AP3B1: variants seen among roughly 807,000 people sequenced by gnomAD.
The protein encoded by AP3B1 is adaptor related protein complex 3 subunit beta 1, also known as AP-3 complex subunit beta-1.
A neutral mutation model predicts 132.5 loss-of-function variants in AP3B1; 61 were observed. The observed-to-expected ratio is 0.46, with a 90% CI of 0.37 to 0.57. The LOEUF is 0.57. Among genes scored for constraint, AP3B1 ranks in the 20% least tolerant of loss-of-function variants. The pLI is 0.00. For synonymous variants in AP3B1, 388 were observed against 438.3 expected (o/e 0.89, Z 1.43); for missense variants, 1,120 against 1,289.4 (o/e 0.87, Z 2.01).
At chr5:78,164,376 A>G (rs1743523397) in intron 12 of AP3B1, among the ~76,000 whole-genome samples, 1 of 152,096 alleles carries the variant, frequency 6.6e-6, no homozygotes, top group African/African-American at 2.4e-5. Flanking sequence ...AATATTTTGA[A>G]ACAGGTCTAG....
intron 22 of AP3B1, among the ~76,000 whole-genome samples, chr5:78,065,780 G>A (rs1050681902): frequency 6.6e-5 from 10 of 152,088 alleles, no homozygotes; most frequent in Admixed American, 3.3e-4. Flanking sequence ...TGGGATTCCC[G>A]CCCCCGCACA....
chr5:78,129,070 T>C, intron 16 of AP3B1, 51 bp downstream of exon 16: 1 of 1,490,476 alleles, frequency 6.7e-7, no homozygotes, highest in South Asian at 1.2e-5. Context: ...GGCAACATCT[T>C]GTCATAATTT....
At chr5:78,118,964 CCT>C (rs898719098) in intron 17 of AP3B1, among the ~76,000 whole-genome samples, 1 of 152,120 alleles carries the variant, frequency 6.6e-6, no homozygotes, top group African/African-American at 2.4e-5. Context: ...CGGGTACTCC[CCT>C]GAGACAAAAC....
intron 3 of AP3B1, among the ~76,000 whole-genome samples, chr5:78,229,159 C>T (rs1051146800): frequency 6.6e-6 from 1 of 152,128 alleles, no homozygotes; most frequent in African/African-American, 2.4e-5. Context: ...TGGTCTCAAA[C>T]TCCTGGGCTT....
chr5:78,246,693 T>C (rs539303891), intron 2 of AP3B1, among the ~76,000 whole-genome samples: 1 of 152,068 alleles, frequency 6.6e-6, no homozygotes, highest in Admixed American at 6.6e-5. Flanking sequence ...ATTTCTGATA[T>C]TGATAATTTG....
chr5:78,161,295 A>T (rs932338340), intron 13 of AP3B1, among the ~76,000 whole-genome samples: 1 of 152,014 alleles, frequency 6.6e-6, no homozygotes, highest in Non-Finnish European at 1.5e-5. Flanking sequence ...GTCAAAAAAT[A>T]AAATTGAGAA....
intron 1 of AP3B1, among the ~76,000 whole-genome samples, chr5:78,294,171 A>C (rs1348568971): frequency 1.3e-5 from 2 of 149,168 alleles, no homozygotes; most frequent in African/African-American, 5.2e-5. Flanking sequence ...AGTCCAATTC[A>C]ATCAGTGTCT....
At chr5:78,076,680 T>C (rs902398085) in intron 22 of AP3B1, among the ~76,000 whole-genome samples, 6 of 152,206 alleles carry the variant, frequency 3.9e-5, no homozygotes, top group Admixed American at 3.9e-4. Flanking sequence ...GGCTGGAGAC[T>C]GAGTTCAACT....
In AP3B1 at chr5:78,114,399, A is replaced by G. The variant is rs955361853; in HGVS notation, c.2078-476T>C. On this transcript the variant is annotated intron_variant, in intron 18 of 26. Coordinates refer to ENST00000255194, the MANE Select transcript of AP3B1 (RefSeq NM_003664.5). ...AAAATGAGCCATTCAAATCACTTGG[A>G]AAGACCTCCAAATTCAAAGACAATA... 2.0e-5 allele frequency among the ~76,000 whole-genome samples: 3 copies of G among 152,264 alleles called. No individual in the cohort carries two copies. In the South Asian group the frequency reaches 6.2e-4, roughly 32 times the overall value.
At chr5:78,054,092 T>C (rs1748705024) in intron 22 of AP3B1, among the ~76,000 whole-genome samples, 1 of 152,156 alleles carries the variant, frequency 6.6e-6, no homozygotes, top group Non-Finnish European at 1.5e-5. Context: ...TAATCTAGGC[T>C]AAACATAAAC....
At chr5:78,089,720 G>A (rs1003502323) in intron 21 of AP3B1, among the ~76,000 whole-genome samples, 2 of 152,002 alleles carry the variant, frequency 1.3e-5, no homozygotes, top group Non-Finnish European at 2.9e-5. Context: ...ACAAAATAAG[G>A]ATATAAATAT....
At chr5:78,217,368 C>A (rs1247052807) in intron 6 of AP3B1, among the ~76,000 whole-genome samples, 1 of 152,068 alleles carries the variant, frequency 6.6e-6, no homozygotes, top group East Asian at 1.9e-4. Context: ...TTATGAATTA[C>A]CAATCAGTAT....
At chr5:78,285,711 C>T (rs1749248814) in intron 1 of AP3B1, among the ~76,000 whole-genome samples, 1 of 152,168 alleles carries the variant, frequency 6.6e-6, no homozygotes, top group Non-Finnish European at 1.5e-5. Context: ...TTTTAGTTGA[C>T]AGCTATTCCA....
chr5:78,260,964 G>A (rs1299174345), intron 2 of AP3B1, among the ~76,000 whole-genome samples: 1 of 152,202 alleles, frequency 6.6e-6, no homozygotes, highest in Non-Finnish European at 1.5e-5. Context: ...TCTTAAAGCT[G>A]AATAACATTC....
intron 24 of AP3B1, among the ~76,000 whole-genome samples, chr5:78,026,457 TGAGTGACA>T (rs1453924847): frequency 6.6e-6 from 1 of 152,174 alleles, no homozygotes; most frequent in Non-Finnish European, 1.5e-5. Context: ...CATCTATGAA[TGAGTGACA>T]TTTACCTTGC....
At chr5:78,121,050 C>T (rs1005916879) in intron 17 of AP3B1, among the ~76,000 whole-genome samples, 35 of 152,178 alleles carry the variant, frequency 2.3e-4, no homozygotes, top group African/African-American at 7.9e-4. Flanking sequence ...CACTCAAAAC[C>T]GCTCAACTGC....
At position 78,233,299 on chromosome 5, in the gene AP3B1, T is replaced by A. The variant is rs367697736; in HGVS notation, c.280-5060A>T. ...CCCAGGCTGGAGTGCAATGGCATGA[T>A]CTCAGCTCACCGCAACCTCCGCCTC... On this transcript the variant is annotated intron_variant, in intron 3 of 26. Transcript: ENST00000255194. Among the ~76,000 whole-genome samples the A allele has an allele frequency of 1.3e-4, 19 of 151,636 alleles. No individual in the cohort carries two copies. The East Asian group carries it at 1.9e-3, about 16-fold the overall frequency.
At chr5:78,164,658 A>C (rs1230646109) in intron 12 of AP3B1, among the ~76,000 whole-genome samples, 3 of 152,320 alleles carry the variant, frequency 2.0e-5, no homozygotes, top group African/African-American at 7.2e-5. Context: ...AGAACATCTT[A>C]ATTTTTTAAG....
At chr5:78,021,200 T>A (rs1466714749) in intron 24 of AP3B1, among the ~76,000 whole-genome samples, 1 of 152,124 alleles carries the variant, frequency 6.6e-6, no homozygotes, top group Non-Finnish European at 1.5e-5. Flanking sequence ...TTAAGATATC[T>A]TTTTAAAAAT....
Sources: allele counts gnomAD v4.1 joint callset (sites outside exome capture counted in the v4.1 genomes callset), GRCh38; gene constraint gnomAD v4.1.1; transcripts MANE v1.5; gene names NCBI Gene and HGNC (gene_info 2026-07-23, HGNC 2026-07-21).